PDE1A: variants seen among roughly 807,000 people sequenced by gnomAD.
PDE1A encodes the protein dual specificity calcium/calmodulin-dependent 3',5'-cyclic nucleotide phosphodiesterase 1A.
In PDE1A, 35 loss-of-function variants were observed where a neutral mutation model predicts 61.7. The ratio of observed to expected loss-of-function variants is 0.57; its 90% CI spans 0.43 to 0.75. The LOEUF (loss-of-function observed/expected upper bound fraction) is 0.75, where lower values mean the gene tolerates loss of function less well. PDE1A is among the 30% of genes least tolerant of loss of function. The probability of loss-of-function intolerance (pLI) is 0.00; values close to 1 mark genes in which losing one functional copy is unlikely to be tolerated. For missense variants in PDE1A, 597 were observed against 630.6 expected, an observed-to-expected ratio of 0.95 and a Z score of 0.57; for synonymous variants, 232 against 213.2, an observed-to-expected ratio of 1.09 and a Z score of -0.77.
the PDE1A span, among the ~76,000 whole-genome samples, chr2:182,657,454 TA>T: frequency 6.6e-6 from 1 of 152,178 alleles, no homozygotes; most frequent in African/African-American, 2.4e-5. Flanking sequence ...AACAAATATA[TA>T]AAAAATACTT....
At chr2:182,346,205 CCAA>C (rs1454441544) in intron 1 of PDE1A, among the ~76,000 whole-genome samples, 12 of 151,920 alleles carry the variant, frequency 7.9e-5, no homozygotes, top group African/African-American at 2.4e-4. Flanking sequence ...ATTATCCCCA[CCAA>C]CAAGAGGCAA....
chr2:182,649,231 T>C, the PDE1A span, among the ~76,000 whole-genome samples: 8 of 152,224 alleles, frequency 5.3e-5, no homozygotes, highest in African/African-American at 1.9e-4. Context: ...ACCCACTGCC[T>C]GGCGACAGGG....
intron 2 of PDE1A, chr2:182,242,029 A>C: frequency 7.4e-7 from 1 of 1,357,024 alleles, no homozygotes; most frequent in Non-Finnish European, 9.5e-7. Flanking sequence ...GATCAGATAC[A>C]GTGTAGGTAG....
the PDE1A span, among the ~76,000 whole-genome samples, chr2:182,701,935 CAAAT>C: frequency 6.6e-6 from 1 of 152,056 alleles, no homozygotes; most frequent in Non-Finnish European, 1.5e-5. Flanking sequence ...TTAAAGAATA[CAAAT>C]AAATAAACAA....
chr2:182,419,336 CT>C (rs35320184), intron 1 of PDE1A, among the ~76,000 whole-genome samples: 185 of 132,586 alleles, frequency 1.4e-3, no homozygotes, highest in South Asian at 9.3e-3. Flanking sequence ...TTTTTCTTTT[CT>C]TTTTTTTTTT....
At chr2:182,525,223 T>C (rs1181144171), upstream of PDE1A, among the ~76,000 whole-genome samples, 2 of 152,298 alleles carry the variant, frequency 1.3e-5, no homozygotes, top group African/African-American at 4.8e-5. Flanking sequence ...CTTATTATTA[T>C]TGATAATATT....
the PDE1A span, among the ~76,000 whole-genome samples, chr2:182,659,446 A>G: frequency 6.6e-6 from 1 of 152,240 alleles, no homozygotes; most frequent in African/African-American, 2.4e-5. Flanking sequence ...AAACCAATTC[A>G]TAAAGAGTTG....
chr2:182,467,046 A>T (rs1686718683), intron 2 of PDE1A, among the ~76,000 whole-genome samples: 1 of 151,806 alleles, frequency 6.6e-6, no homozygotes, highest in African/African-American at 2.4e-5. Context: ...TGCATAGCTT[A>T]TATCTTGGGA....
chr2:182,155,075 T>G (rs1232573827), intron 13 of PDE1A, among the ~76,000 whole-genome samples: 2 of 145,604 alleles, frequency 1.4e-5, no homozygotes, highest in Non-Finnish European at 1.5e-5. Context: ...ATGTCCAATT[T>G]TAATTCTGCT....
intron 3 of PDE1A, among the ~76,000 whole-genome samples, chr2:182,235,150 C>CT (rs1161255827): frequency 1.3e-5 from 2 of 151,932 alleles, no homozygotes; most frequent in African/African-American, 4.8e-5. Context: ...TTTTGTGTTT[C>CT]TTTTTCTTTT....
chr2:182,369,214 T>G (rs1448941307), intron 1 of PDE1A, among the ~76,000 whole-genome samples: 1 of 152,188 alleles, frequency 6.6e-6, no homozygotes, highest in Non-Finnish European at 1.5e-5. Flanking sequence ...AAAAGTCACC[T>G]AACAAGCATG....
chr2:182,467,619 C>T (rs10931015), intron 2 of PDE1A, among the ~76,000 whole-genome samples: 109,371 of 151,748 alleles, frequency 0.72, 39,691 homozygotes, highest in East Asian at 0.95. Context: ...CAGACCAATA[C>T]CACTTGAAAA....
At chr2:182,515,697 A>G (rs1317442692) in intron 2 of PDE1A, among the ~76,000 whole-genome samples, 1 of 152,216 alleles carries the variant, frequency 6.6e-6, no homozygotes, top group East Asian at 1.9e-4. Flanking sequence ...ATCCATCAAA[A>G]CAGTCACATA....
At chr2:182,463,489 G>C (rs535000344) in intron 2 of PDE1A, 6 of 152,072 alleles carry the variant, frequency 3.9e-5, no homozygotes, top group Non-Finnish European at 8.8e-5. Flanking sequence ...TGAAAGAAGA[G>C]AATATTTATG....
chr2:182,412,320 A>G (rs546711600), intron 1 of PDE1A, among the ~76,000 whole-genome samples: 25 of 152,300 alleles, frequency 1.6e-4, no homozygotes, highest in African/African-American at 5.5e-4. Flanking sequence ...ATCCCACCCT[A>G]AACAGTAGAC....
intron 1 of PDE1A, among the ~76,000 whole-genome samples, chr2:182,416,138 T>A (rs1702902828): frequency 6.6e-6 from 1 of 152,176 alleles, no homozygotes. Context: ...GCAAATAGTA[T>A]AACAGATGTA....
intron 1 of PDE1A, among the ~76,000 whole-genome samples, chr2:182,322,992 A>C (rs1052096030): frequency 6.6e-6 from 1 of 152,206 alleles, no homozygotes; most frequent in African/African-American, 2.4e-5. Context: ...TGAATGTTTT[A>C]GAATACTCAA....
chr2:182,631,877 A>G, the PDE1A span, among the ~76,000 whole-genome samples: 1 of 152,234 alleles, frequency 6.6e-6, no homozygotes, highest in Non-Finnish European at 1.5e-5. Flanking sequence ...CTCAGAGTCC[A>G]GCTGAAACAG....
intron 13 of PDE1A, among the ~76,000 whole-genome samples, chr2:182,181,959 A>G (rs1383707402): frequency 6.6e-6 from 1 of 152,198 alleles, no homozygotes; most frequent in Non-Finnish European, 1.5e-5. Flanking sequence ...GTTAAATTTT[A>G]ACAGTTTTAT....
Sources: gnomAD v4.1 joint callset for allele counts (sites outside exome capture counted in the v4.1 genomes callset) on GRCh38, gnomAD v4.1.1 for gene constraint, MANE v1.5 for transcripts, NCBI Gene and HGNC (gene_info 2026-07-23, HGNC 2026-07-21) for gene names.